The following TCEANC2 variants were observed in gnomAD, a reference collection of about 807,000 sequenced individuals.
The protein encoded by TCEANC2 is transcription elongation factor A N-terminal and central domain containing 2.
A neutral mutation model predicts 22.8 loss-of-function variants in TCEANC2; 20 were observed. The observed-to-expected ratio is 0.88, with a 90% CI of 0.62 to 1.28. The LOEUF (loss-of-function observed/expected upper bound fraction) is 1.28, where lower values mean the gene tolerates loss of function less well. Among genes scored for constraint, TCEANC2 ranks in the 50% most tolerant of loss-of-function variants. TCEANC2 has a pLI of 0.00. For synonymous variants in TCEANC2, 84 were observed against 95.5 expected (o/e 0.88, Z 0.70); for missense variants, 251 against 249.7 (o/e 1.01, Z -0.03).
At chr1:54,110,403 A>G (rs1294188885), downstream of TCEANC2, among the ~76,000 whole-genome samples, 1 of 152,134 alleles carries the variant, frequency 6.6e-6, no homozygotes, top group Non-Finnish European at 1.5e-5. Context: ...GTTTGAGACC[A>G]GCCTGGGCAG....
At chr1:54,081,030 G>A (rs1467514169) in intron 3 of TCEANC2, among the ~76,000 whole-genome samples, 4 of 152,298 alleles carry the variant, frequency 2.6e-5, no homozygotes, top group South Asian at 2.1e-4. Context: ...GGGTTAAAGC[G>A]TGGGCTCTGG....
At chr1:54,057,334 C>A (rs1328297048) in intron 2 of TCEANC2, among the ~76,000 whole-genome samples, 1 of 146,942 alleles carries the variant, frequency 6.8e-6, no homozygotes, top group African/African-American at 2.5e-5. Context: ...GCACATGCCA[C>A]CACACCTGGC....
At chr1:54,093,397 C>T (rs1449350311) in intron 4 of TCEANC2, among the ~76,000 whole-genome samples, 1 of 152,170 alleles carries the variant, frequency 6.6e-6, no homozygotes, top group Non-Finnish European at 1.5e-5. Context: ...TTGCAACAAA[C>T]TTGTTATACA....
At chr1:54,087,819 C>T (rs778752147) in intron 3 of TCEANC2, among the ~76,000 whole-genome samples, 1 of 152,176 alleles carries the variant, frequency 6.6e-6, no homozygotes, top group Non-Finnish European at 1.5e-5. Context: ...TATCTGTTGT[C>T]CTGTAGAATG....
chr1:54,054,496 A>G lies in TCEANC2; in HGVS notation c.74A>G (p.Tyr25Cys), dbSNP rs143447897. ...AAGAAAGATTCTGGAGGAAAGGTTT[A>G]CAAGCAGGCCACGATTGAATCTCTG... is the stretch of plus-strand genomic sequence containing the variant. The part of the protein sequence containing the change: ...PQKKDSGGKV[Y>C]KQATIESLKR... Residue 25 changes from tyrosine to cysteine, a missense_variant, in exon 2 of 5, where the codon TAC (tyrosine) becomes TGC (cysteine). Transcript: ENST00000234827. 11 of 1,613,812 alleles carry G rather than the reference A, an allele frequency of 6.8e-6. No individual in the cohort carries two copies. Among genetic ancestry groups the G allele is most frequent in the Non-Finnish European group, 9.3e-6 (11 of 1,179,872 alleles).
At chr1:54,077,445 C>T (rs1287042795) in intron 3 of TCEANC2, among the ~76,000 whole-genome samples, 1 of 152,136 alleles carries the variant, frequency 6.6e-6, no homozygotes, top group Admixed American at 6.5e-5. Context: ...TAATTTCATA[C>T]TATCCAAATC....
At chr1:54,110,517 T>C (rs1269510781), downstream of TCEANC2, among the ~76,000 whole-genome samples, 1 of 151,802 alleles carries the variant, frequency 6.6e-6, no homozygotes, top group Non-Finnish European at 1.5e-5. Context: ...AGTGGGAGGA[T>C]TGCCTGAGTC....
At chr1:54,085,536 A>G (rs924160328) in intron 3 of TCEANC2, among the ~76,000 whole-genome samples, 1 of 151,998 alleles carries the variant, frequency 6.6e-6, no homozygotes, top group African/African-American at 2.4e-5. Flanking sequence ...ATCATTTTCA[A>G]TGTTGTTACT....
intron 3 of TCEANC2, among the ~76,000 whole-genome samples, chr1:54,073,938 G>A (rs190243944): frequency 4.7e-4 from 71 of 152,296 alleles, no homozygotes; most frequent in Admixed American, 1.2e-3. Context: ...AAGGCTGAGG[G>A]CTAGGTTTCT....
downstream of TCEANC2, chr1:54,106,229 A>G (rs1399123679): frequency 6.6e-6 from 1 of 152,252 alleles, no homozygotes. Context: ...AATGGTCTAA[A>G]TGCACATTTA....
rs990578834 is a variant in TCEANC2 at position 54,088,529 on chromosome 1, A to G, written c.245-68A>G. The G allele has an allele frequency of 2.2e-5, 30 of 1,351,892 alleles. 1 individual carries two copies. Among genetic ancestry groups the G allele is most frequent in the African/African-American group, 5.9e-5 (4 of 67,386 alleles). 83.7% of individuals were successfully genotyped at this position (1,351,892 alleles called of 1,614,324 possible). On this transcript the variant is annotated intron_variant, in intron 3 of 4. Transcript: ENST00000234827. ...CTTTCTCAGTGCCACACGTCAGTCC[A>G]TCTAGTCCTGCGCTTCTCAGAAGAA...
At chr1:54,058,805 C>T (rs1221922005) in intron 2 of TCEANC2, among the ~76,000 whole-genome samples, 6 of 151,700 alleles carry the variant, frequency 4.0e-5, no homozygotes, top group South Asian at 4.2e-4. Flanking sequence ...TACAGGCACA[C>T]GCCACCATGC....
intron 2 of TCEANC2, among the ~76,000 whole-genome samples, chr1:54,055,489 C>T (rs565190050): frequency 6.6e-6 from 1 of 152,174 alleles, no homozygotes; most frequent in African/African-American, 2.4e-5. Flanking sequence ...TTTACCAATT[C>T]TTCTTCCTCC....
At position 54,097,947 on chromosome 1, in the gene TCEANC2, G is replaced by A. The variant is rs1320000263; in HGVS notation, c.*1474G>A. ...ACCCAGTTAAACATGAGAAAAGTGA[G>A]GCTCAGAAAGGTATAGTAACTTACT... On this transcript the variant is annotated 3_prime_UTR_variant, in exon 5 of 5. Coordinates refer to ENST00000234827, the MANE Select transcript of TCEANC2 (RefSeq NM_153035.3). 1.3e-5 allele frequency: 2 copies of A among 152,218 alleles called. No homozygotes were observed. Among genetic ancestry groups the A allele is most frequent in the Non-Finnish European group, 2.9e-5 (2 of 68,034 alleles). 9.4% of individuals were successfully genotyped at this position (152,218 alleles called of 1,614,324 possible).
chr1:54,054,162 C>G, intron 1 of TCEANC2: 2 of 1,199,450 alleles, frequency 1.7e-6, no homozygotes, highest in Admixed American at 3.4e-5. Flanking sequence ...CTTCTGGAAG[C>G]TAGGAACCTC....
chr1:54,084,071 G>T (rs1464520815), intron 3 of TCEANC2, among the ~76,000 whole-genome samples: 1 of 151,628 alleles, frequency 6.6e-6, no homozygotes, highest in African/African-American at 2.4e-5. Context: ...GGAGTGCAGT[G>T]GTGTGATCTT....
chr1:54,093,137 G>A (rs1029138284), intron 4 of TCEANC2, among the ~76,000 whole-genome samples: 7 of 152,306 alleles, frequency 4.6e-5, no homozygotes, highest in East Asian at 1.9e-4. Context: ...CAGGCAGCCC[G>A]TGAGAGATAC....
At chr1:54,073,679 G>A (rs1205282427) in intron 3 of TCEANC2, among the ~76,000 whole-genome samples, 1 of 152,168 alleles carries the variant, frequency 6.6e-6, no homozygotes, top group Non-Finnish European at 1.5e-5. Context: ...TTGAATGGAG[G>A]AATGACATAT....
intron 2 of TCEANC2, among the ~76,000 whole-genome samples, chr1:54,058,814 G>A (rs1257762059): frequency 6.6e-6 from 1 of 151,748 alleles, no homozygotes; most frequent in Admixed American, 6.6e-5. Flanking sequence ...ACGCCACCAT[G>A]CCCAGCTAAT....
Sources: gnomAD v4.1 joint callset for allele counts (sites outside exome capture counted in the v4.1 genomes callset) on GRCh38, gnomAD v4.1.1 for gene constraint, MANE v1.5 for transcripts, NCBI Gene and HGNC (gene_info 2026-07-23, HGNC 2026-07-21) for gene names.